Variants in CFH observed in about 807,000 individuals in gnomAD.
CFH encodes the protein complement factor H.
A neutral mutation model predicts 147.3 loss-of-function variants in CFH; 53 were observed. The observed-to-expected ratio is 0.36, with a 90% CI of 0.29 to 0.45. The LOEUF is 0.45. Among genes scored for constraint, CFH ranks in the 20% least tolerant of loss-of-function variants. CFH has a pLI of 1.00. For missense variants in CFH, 1,380 were observed against 1,498.0 expected (o/e 0.92, Z 1.30); for synonymous variants, 536 against 489.4 (o/e 1.10, Z -1.26).
At chr1:196,693,955 G>GGTGTGTGTGTGTGTGTGTGT (rs71567586) in intron 9 of CFH, among the ~76,000 whole-genome samples, 1 of 142,656 alleles carries the variant, frequency 7.0e-6, no homozygotes, top group African/African-American at 2.6e-5. Context: ...TTAGATAAAT[G>GGTGTGTGTGTGTGTGTGTGT]GTGTGTGTGT....
intron 6 of CFH, among the ~76,000 whole-genome samples, chr1:196,682,479 T>C (rs1396313200): frequency 2.6e-5 from 4 of 151,660 alleles, no homozygotes; most frequent in East Asian, 3.9e-4. Flanking sequence ...GTCTTTCTAT[T>C]CTTAATTAAC....
chr1:196,727,036 G>A (rs1669159631), intron 14 of CFH, 96 bp downstream of exon 14: 13 of 1,085,658 alleles, frequency 1.2e-5, no homozygotes, highest in Non-Finnish European at 1.7e-5. Flanking sequence ...TTACAGATAT[G>A]CCTCAACATT....
At chr1:196,673,721 G>A in intron 2 of CFH, 136 bp from the exon 3 acceptor site, 1 of 681,048 alleles carries the variant, frequency 1.5e-6, no homozygotes, top group Non-Finnish European at 2.6e-6. Flanking sequence ...ATGAAATAAT[G>A]GCTTTGCTAT....
intron 15 of CFH, among the ~76,000 whole-genome samples, chr1:196,731,921 G>T (rs380390): frequency 2.0e-5 from 3 of 151,584 alleles, no homozygotes; most frequent in Non-Finnish European, 4.4e-5. Flanking sequence ...TTCAATACTT[G>T]GTCTATAACT....
At chr1:196,661,569 G>A (rs1418703571) in intron 1 of CFH, among the ~76,000 whole-genome samples, 1 of 152,120 alleles carries the variant, frequency 6.6e-6, no homozygotes, top group Non-Finnish European at 1.5e-5. Context: ...GCTCTGTGGT[G>A]CCTCTTCTAT....
At chr1:196,697,629 A>G (rs1181668168) in intron 9 of CFH, among the ~76,000 whole-genome samples, 1 of 152,186 alleles carries the variant, frequency 6.6e-6, no homozygotes, top group Non-Finnish European at 1.5e-5. Context: ...TAGAAATACC[A>G]TTTGACCTAG....
intron 6 of CFH, among the ~76,000 whole-genome samples, chr1:196,681,822 T>C (rs1380466016): frequency 6.6e-6 from 1 of 151,818 alleles, no homozygotes; most frequent in African/African-American, 2.4e-5. Context: ...ACTCTTTGTA[T>C]GCCAACTAAT....
At chr1:196,673,999 A>G (rs1573010132) in intron 3 of CFH, 37 bp downstream of exon 3, 2 of 1,344,578 alleles carry the variant, frequency 1.5e-6, no homozygotes, top group Admixed American at 1.7e-5. Flanking sequence ...TATAATTAAG[A>G]TAGTAAATAG....
chr1:196,725,413 A>G, intron 12 of CFH, 116 bp downstream of exon 12: 2 of 992,418 alleles, frequency 2.0e-6, no homozygotes, highest in Non-Finnish European at 3.1e-6. Flanking sequence ...TAAGTCAAAT[A>G]TTTGCCTGTG....
At position 196,726,925 on chromosome 1, in the gene CFH, C is replaced by A. The variant is rs780794196; in HGVS notation, c.2221C>A (p.Leu741Ile). 6.2e-7 allele frequency: 1 copy of A among 1,613,186 alleles called. No individual in the cohort carries two copies. Among genetic ancestry groups the A allele is most frequent in the African/African-American group, 1.3e-5 (1 of 74,878 alleles). Residue 741 changes from leucine to isoleucine, a missense_variant, in exon 14 of 22, where the codon CTT (leucine) becomes ATT (isoleucine). Transcript: ENST00000367429. ...GTGTATTCATGGAGTATGGACCCAA[C>A]TTCCCCAGTGTGTGGGTGAGAATAC... ...ITCIHGVWTQ[L>I]PQCVAIDKLK...
At position 196,725,314 on chromosome 1, in the gene CFH, C is replaced by A. The variant is rs767931114; in HGVS notation, c.1873+17C>A. Reference sequence around the variant, plus strand: ...TATGTAAAGGTGAATGCTTATCTTACAATTGCTGAAATAAGAATTAGAACT... The same window carrying A: ...TATGTAAAGGTGAATGCTTATCTTAAAATTGCTGAAATAAGAATTAGAACT... On this transcript the variant is annotated intron_variant, in intron 12 of 21. Transcript: ENST00000367429. The A allele has an allele frequency of 1.2e-6, 2 of 1,611,340 alleles. No homozygotes were observed. Among genetic ancestry groups the A allele is most frequent in the Non-Finnish European group, 1.7e-6 (2 of 1,177,912 alleles).
chr1:196,724,166 C>T lies in CFH; in HGVS notation c.1697-955C>T, dbSNP rs1000717239. ...TTGCACTTTCCATTAGGAATAGCCT[C>T]CCTGGTGGTTAAACTATTGGGAATG... On this transcript the variant is annotated intron_variant, in intron 11 of 21. Transcript: ENST00000367429. Among the ~76,000 whole-genome samples, 7 of 152,086 alleles carry T rather than the reference C, an allele frequency of 4.6e-5. No individual in the cohort carries two copies. In the East Asian group the frequency reaches 9.8e-4, roughly 21 times the overall value.
chr1:196,657,170 A>G (rs1199676432), intron 1 of CFH, among the ~76,000 whole-genome samples: 1 of 151,918 alleles, frequency 6.6e-6, no homozygotes, highest in Non-Finnish European at 1.5e-5. Flanking sequence ...TCAAATGCCT[A>G]TTAAGTGTGA....
intron 9 of CFH, chr1:196,692,295 A>T (rs1668054406): frequency 3.2e-6 from 1 of 313,770 alleles, no homozygotes; most frequent in Non-Finnish European, 4.6e-6. Flanking sequence ...TTTCACCCAA[A>T]TCTTTTTGCT....
intron 9 of CFH, among the ~76,000 whole-genome samples, chr1:196,707,474 A>T (rs2149099176): frequency 6.6e-6 from 1 of 152,308 alleles, no homozygotes; most frequent in Admixed American, 6.5e-5. Context: ...CATCCAACCC[A>T]GAGACTGGGT....
Position 196,679,776 on chromosome 1 carries a change from C to T in CFH, c.773C>T (p.Pro258Leu), listed in dbSNP as rs768526062. ...GTATGCACTGAATCTGGATGGCGTC[C>T]GTTGCCTTCATGTGAAGGTAATGTT... ...DAVCTESGWR[P>L]LPSCEEKSCD... The change falls in exon 6 of 22, where the codon CCG becomes CTG. Residue 258 changes from proline (P) to leucine (L), a missense_variant. Around this residue, in one of 4 missense-constraint regions of CFH, gnomAD observed 167 missense variants for 228.0 expected, o/e 0.73. Transcript: ENST00000367429. 30 of 1,610,606 alleles carry T rather than the reference C, an allele frequency of 1.9e-5. No individual in the cohort carries two copies. Among genetic ancestry groups the T allele is most frequent in the Admixed American group, 5.0e-5 (3 of 59,746 alleles).
intron 9 of CFH, among the ~76,000 whole-genome samples, chr1:196,705,847 A>T (rs1668571957): frequency 1.3e-5 from 2 of 152,158 alleles, no homozygotes; most frequent in African/African-American, 4.8e-5. Context: ...TAGAAGACTG[A>T]ATAGGTATCA....
chr1:196,713,797 T>C lies in CFH; in HGVS notation c.1399T>C (p.Tyr467His). ...GTTTATTTCTGAATCTCAGTATACA[T>C]ATGCCTTAAAAGAAAAAGCGAAATA... ...NGFISESQYT[Y>H]ALKEKAKYQC... The change falls in exon 10 of 22, where the codon TAT becomes CAT. Residue 467 changes from tyrosine (Y) to histidine (H), a missense_variant. Physicochemically the swap from Tyr to His is moderately conservative, Grantham distance 83 (BLOSUM62 2). Around this residue, in one of 4 missense-constraint regions of CFH, gnomAD observed 830 missense variants for 821.4 expected, o/e 1.01. Coordinates refer to ENST00000367429, the MANE Select transcript of CFH (RefSeq NM_000186.4). 2 of 1,606,638 alleles carry C rather than the reference T, an allele frequency of 1.2e-6. No homozygotes were observed. The highest frequency in any genetic ancestry group is 1.7e-6 in the Non-Finnish European group (2 of 1,173,768).
chr1:196,714,662 TATATATAGAGAGAGAGAGAGAGAGAG>T (rs1467681499), intron 10 of CFH, among the ~76,000 whole-genome samples: 7 of 37,476 alleles, frequency 1.9e-4, no homozygotes, highest in East Asian at 1.8e-3. Context: ...TATATATATA[TATATATAGAGAGAGAGAGAGAGAGAG>T]AGAGAGAGAG....
Sources: gnomAD v4.1 joint callset for allele counts (sites outside exome capture counted in the v4.1 genomes callset) on GRCh38, gnomAD v4.1.1 for gene constraint, gnomAD v4.1.1 regional missense constraint, MANE v1.5 for transcripts, NCBI Gene and HGNC (gene_info 2026-07-23, HGNC 2026-07-21) for gene names.